Variants in BTBD9 observed in about 807,000 individuals in gnomAD.
The protein encoded by BTBD9 is BTB/POZ domain-containing protein 9.
BTBD9 carries 49 observed loss-of-function variants against 64.3 expected under a neutral mutation model. The observed-to-expected ratio is 0.76, with a 90% CI of 0.61 to 0.97. The LOEUF (loss-of-function observed/expected upper bound fraction) is 0.97, where lower values mean the gene tolerates loss of function less well. Among genes scored for constraint, BTBD9 ranks in the 50% least tolerant of loss-of-function variants. The probability of loss-of-function intolerance (pLI) is 0.00; values close to 1 mark genes in which losing one functional copy is unlikely to be tolerated. For missense variants in BTBD9, 598 were observed against 762.1 expected (o/e 0.78, Z 2.53); for synonymous variants, 260 against 274.7 (o/e 0.95, Z 0.53).
intron 7 of BTBD9, among the ~76,000 whole-genome samples, chr6:38,291,553 G>C (rs1315119624): frequency 6.6e-6 from 1 of 152,172 alleles, no homozygotes; most frequent in Non-Finnish European, 1.5e-5. Context: ...TGGTGAGAGG[G>C]CATCCTTGTC....
intron 1 of BTBD9, among the ~76,000 whole-genome samples, chr6:38,619,616 G>A (rs1777919010): frequency 1.3e-5 from 2 of 152,118 alleles, no homozygotes; most frequent in African/African-American, 2.4e-5. Context: ...AGGGTGACTG[G>A]GGAAAGCACC....
intron 8 of BTBD9, among the ~76,000 whole-genome samples, chr6:38,279,576 TTC>T (rs1408876413): frequency 6.6e-6 from 1 of 152,180 alleles, no homozygotes; most frequent in African/African-American, 2.4e-5. Flanking sequence ...AGTCCTATGC[TTC>T]TGTTAGCCCT....
intron 6 of BTBD9, among the ~76,000 whole-genome samples, chr6:38,540,118 G>T (rs1774201492): frequency 6.6e-5 from 10 of 152,110 alleles, no homozygotes; most frequent in Admixed American, 6.5e-4. Context: ...GATAGTTTAG[G>T]ACTCAAAAGT....
chr6:38,178,749 G>A (rs1467789369), intron 10 of BTBD9, among the ~76,000 whole-genome samples: 3 of 152,052 alleles, frequency 2.0e-5, no homozygotes, highest in Non-Finnish European at 4.4e-5. Context: ...CAGGGTGTGG[G>A]GGGGAGGGGT....
chr6:38,302,485 G>GTATGTGTGTGTATATATATATATATA (rs1384155514), intron 7 of BTBD9, among the ~76,000 whole-genome samples: 2 of 106,906 alleles, frequency 1.9e-5, no homozygotes, highest in African/African-American at 7.1e-5. Flanking sequence ...TTGTGTGTAT[G>GTATGTGTGTGTATATATATATATATA]TATATATATA....
chr6:38,254,776 G>A (rs1764519040), intron 9 of BTBD9, among the ~76,000 whole-genome samples: 1 of 152,252 alleles, frequency 6.6e-6, no homozygotes, highest in Admixed American at 6.5e-5. Context: ...GTGCTTGTGA[G>A]AATGTGGAAA....
At chr6:38,354,749 T>C (rs1202055027) in intron 6 of BTBD9, among the ~76,000 whole-genome samples, 1 of 152,038 alleles carries the variant, frequency 6.6e-6, no homozygotes, top group East Asian at 1.9e-4. Flanking sequence ...AATCCAAAGA[T>C]TTACTTAGCA....
At position 38,466,464 on chromosome 6, in the gene BTBD9, C is replaced by A. The variant is rs554825588; in HGVS notation, c.1154+111136G>T. Among the ~76,000 whole-genome samples, 4 of 151,800 alleles carry A rather than the reference C, an allele frequency of 2.6e-5. No homozygotes were observed. In the East Asian group the frequency reaches 7.8e-4, roughly 29 times the overall value. On this transcript the variant is annotated intron_variant, in intron 6 of 10. Coordinates refer to ENST00000481247, the MANE Select transcript of BTBD9 (RefSeq NM_001099272.2). Reference sequence around the variant, plus strand: ...GTATCACTACGCCTGACTAATTTTGCATTTTTTTAGTAGAGACGGGGTTTC... The same window carrying A: ...GTATCACTACGCCTGACTAATTTTGAATTTTTTTAGTAGAGACGGGGTTTC...
rs184189875 is a variant in BTBD9, at chr6:38,537,253, G to A, written c.1154+40347C>T. Among the ~76,000 whole-genome samples, 36 of 152,246 alleles carry A rather than the reference G, an allele frequency of 2.4e-4. 1 individual carries two copies. Among genetic ancestry groups the A allele is most frequent in the East Asian group, 1.2e-3 (6 of 5,186 alleles). ...TCTACTCCAAAAAACAGAGTTAAAC[G>A]ATCCAAATGAACAAAGGCATCAGAC... is the stretch of plus-strand genomic sequence containing the variant. On this transcript the variant is annotated intron_variant, in intron 6 of 10. Transcript: ENST00000481247.
intron 1 of BTBD9, among the ~76,000 whole-genome samples, chr6:38,606,588 A>G (rs1337579433): frequency 6.6e-6 from 1 of 152,218 alleles, no homozygotes; most frequent in Admixed American, 6.5e-5. Flanking sequence ...GACTAAATAT[A>G]TATTCGTTGG....
intron 6 of BTBD9, among the ~76,000 whole-genome samples, chr6:38,417,579 G>A (rs1168367944): frequency 1.4e-4 from 21 of 152,064 alleles, no homozygotes; most frequent in Non-Finnish European, 4.4e-5. Context: ...TTTGATACTA[G>A]CCTGGGCAGC....
chr6:38,354,315 T>A (rs1764634652), intron 6 of BTBD9, among the ~76,000 whole-genome samples: 1 of 152,182 alleles, frequency 6.6e-6, no homozygotes, highest in Admixed American at 6.5e-5. Flanking sequence ...ACAAACAGCA[T>A]CTGCAGGCAT....
intron 6 of BTBD9, among the ~76,000 whole-genome samples, chr6:38,442,938 G>T (rs1223816025): frequency 6.6e-6 from 1 of 151,970 alleles, no homozygotes; most frequent in Non-Finnish European, 1.5e-5. Flanking sequence ...AAAGTGCTGG[G>T]ATTACATGTG....
intron 6 of BTBD9, among the ~76,000 whole-genome samples, chr6:38,501,704 T>C (rs1772209423): frequency 6.6e-6 from 1 of 152,200 alleles, no homozygotes; most frequent in Non-Finnish European, 1.5e-5. Context: ...CTCCCATGTC[T>C]GTGCACTTGA....
chr6:38,424,376 C>T (rs747199629), intron 6 of BTBD9, among the ~76,000 whole-genome samples: 20 of 151,842 alleles, frequency 1.3e-4, no homozygotes, highest in African/African-American at 3.6e-4. Flanking sequence ...AATATAATAC[C>T]GCCCAACAAC....
intron 9 of BTBD9, among the ~76,000 whole-genome samples, chr6:38,237,397 T>TGGTTTTA (rs1763814063): frequency 1.3e-5 from 2 of 152,340 alleles, no homozygotes; most frequent in African/African-American, 4.8e-5. Context: ...AAACAACTCC[T>TGGTTTTA]GCATGTTAGT....
chr6:38,555,728 A>T (rs1774984351), intron 6 of BTBD9, among the ~76,000 whole-genome samples: 1 of 152,038 alleles, frequency 6.6e-6, no homozygotes, highest in Non-Finnish European at 1.5e-5. Context: ...ATTTTGGTGG[A>T]TTTTCTCTTT....
At position 38,175,097 on chromosome 6, in the gene BTBD9, G is replaced by A. The variant is rs1561830683; in HGVS notation, c.1727C>T (p.Thr576Ile). The change falls in exon 11 of 11, where the codon ACC becomes ATC. Residue 576 changes from threonine (T) to isoleucine (I), a missense_variant. Thr to Ile is a moderately conservative substitution (Grantham distance 89, BLOSUM62 -1). Transcript: ENST00000481247. ...GTCGAGCTGCTGACCGGCCAGGCTG[G>A]TGTCCCCTGTCCCCGATTCCTCACT... ...ENSEESGTGDTSLAGQQLDSH... is the reference protein window; with the variant it reads ...ENSEESGTGDISLAGQQLDSH... 1.2e-6 allele frequency: 2 copies of A among 1,614,248 alleles called. No homozygotes were observed. Among genetic ancestry groups the A allele is most frequent in the South Asian group, 1.1e-5 (1 of 91,086 alleles).
chr6:38,357,236 T>C (rs1764761109), intron 6 of BTBD9, among the ~76,000 whole-genome samples: 1 of 152,190 alleles, frequency 6.6e-6, no homozygotes, highest in African/African-American at 2.4e-5. Context: ...ACTTCATTCA[T>C]CACAGTTTCA....
Sources: gnomAD v4.1 joint callset for allele counts (sites outside exome capture counted in the v4.1 genomes callset) on GRCh38, gnomAD v4.1.1 for gene constraint, MANE v1.5 for transcripts, NCBI Gene and HGNC (gene_info 2026-07-23, HGNC 2026-07-21) for gene names.